The following PLEKHG4B variants were observed in gnomAD, a reference collection of about 807,000 sequenced individuals.
PLEKHG4B encodes pleckstrin homology and RhoGEF domain containing G4B.
PLEKHG4B carries 111 observed loss-of-function variants against 121.3 expected under a neutral mutation model. That is an observed-to-expected ratio of 0.92 (90% CI 0.78 to 1.07). PLEKHG4B has a LOEUF of 1.07. Among genes scored for constraint, PLEKHG4B ranks in the 50% least tolerant of loss-of-function variants. The pLI, the probability that PLEKHG4B is intolerant of heterozygous loss-of-function variation, is 0.00. For missense variants in PLEKHG4B, 1,831 were observed against 1,757.8 expected (o/e 1.04, Z -0.74); for synonymous variants, 738 against 725.0 (o/e 1.02, Z -0.29).
At chr5:151,437 C>T in intron 6 of PLEKHG4B, 76 bp from the exon 7 acceptor site, 1 of 973,822 alleles carries the variant, frequency 1.0e-6, no homozygotes, top group Non-Finnish European at 1.5e-6. Flanking sequence ...TAGTACCACT[C>T]AAAATTGGGC....
chr5:105,710 G>A (rs1041098328), intron 1 of PLEKHG4B, among the ~76,000 whole-genome samples: 4 of 152,244 alleles, frequency 2.6e-5, no homozygotes, highest in African/African-American at 9.6e-5. Flanking sequence ...GAACAAGAAT[G>A]CATTTTTCCC....
In PLEKHG4B at chr5:182,048, G is replaced by A. The variant is rs756428760; in HGVS notation, c.4609G>A (p.Ala1537Thr). 5.6e-6 allele frequency: 9 copies of A among 1,614,096 alleles called. No individual in the cohort carries two copies. The highest frequency in any genetic ancestry group is 1.6e-4 in the Middle Eastern group (1 of 6,062). The change falls in exon 20 of 20, where the codon GCC becomes ACC. Residue 1537 changes from alanine to threonine, a missense_variant. Transcript: ENST00000637938. Reference sequence around the variant, plus strand: ...CACAGCGGTGTCCTCCTCTGACCACGCCGCCCCCTTCAAGCGACCACACTC... The same window carrying A: ...CACAGCGGTGTCCTCCTCTGACCACACCGCCCCCTTCAAGCGACCACACTC... ...GSTAVSSSDH[A>T]APFKRPHSTI...
intron 7 of PLEKHG4B, among the ~76,000 whole-genome samples, chr5:154,416 C>T (rs1269815918): frequency 1.3e-5 from 2 of 152,148 alleles, no homozygotes; most frequent in African/African-American, 2.4e-5. Flanking sequence ...GCCCTGAGGA[C>T]GGAGCCACTG....
At chr5:92,709 C>G (rs185695001) in intron 1 of PLEKHG4B, among the ~76,000 whole-genome samples, 2 of 151,906 alleles carry the variant, frequency 1.3e-5, no homozygotes, top group Non-Finnish European at 2.9e-5. Context: ...GATTTGCCCT[C>G]TCGGTGCCTG....
chr5:162,123 C>A (rs1736030119), intron 12 of PLEKHG4B, among the ~76,000 whole-genome samples, 179 bp downstream of exon 12: 1 of 152,218 alleles, frequency 6.6e-6, no homozygotes, highest in Non-Finnish European at 1.5e-5. Context: ...TCTGAGCCGA[C>A]CTGTGAAGCA....
intron 1 of PLEKHG4B, among the ~76,000 whole-genome samples, chr5:94,421 C>A (rs1733568107): frequency 6.7e-6 from 1 of 148,964 alleles, no homozygotes; most frequent in Non-Finnish European, 1.5e-5. Context: ...ACCCGAGACC[C>A]CAACGTGCTT....
intron 13 of PLEKHG4B, among the ~76,000 whole-genome samples, chr5:164,202 T>C (rs1442347461): frequency 6.6e-6 from 1 of 152,278 alleles, no homozygotes; most frequent in Non-Finnish European, 1.5e-5. Flanking sequence ...ACAGGATTCA[T>C]GGAAGACAAT....
At chr5:98,856 T>C (rs1390272016) in intron 1 of PLEKHG4B, among the ~76,000 whole-genome samples, 18 of 138,684 alleles carry the variant, frequency 1.3e-4, no homozygotes, top group Admixed American at 4.3e-4. Flanking sequence ...TTTTTTTTTT[T>C]CAAAAAAAAT....
chr5:136,163 A>G (rs1274483657), intron 2 of PLEKHG4B, among the ~76,000 whole-genome samples: 1 of 152,186 alleles, frequency 6.6e-6, no homozygotes, highest in Admixed American at 6.5e-5. Context: ...CATTTACAAA[A>G]ACTCACTCAA....
chr5:133,359 G>C (rs759706460), intron 2 of PLEKHG4B, among the ~76,000 whole-genome samples: 14 of 151,984 alleles, frequency 9.2e-5, no homozygotes, highest in Non-Finnish European at 1.5e-4. Flanking sequence ...GACTTCCTCT[G>C]TACTGATTTG....
At chr5:102,566 C>T (rs1472822124) in intron 1 of PLEKHG4B, among the ~76,000 whole-genome samples, 4 of 152,190 alleles carry the variant, frequency 2.6e-5, no homozygotes, top group African/African-American at 7.2e-5. Context: ...CGTCTCTGCC[C>T]GTGCTTCCGC....
At chr5:114,011 C>T (rs1269980723) in intron 2 of PLEKHG4B, among the ~76,000 whole-genome samples, 1 of 152,200 alleles carries the variant, frequency 6.6e-6, no homozygotes, top group African/African-American at 2.4e-5. Flanking sequence ...ATACAAGTTA[C>T]GTTTACACTA....
At chr5:155,577 G>A (rs1317729562) in intron 9 of PLEKHG4B, 134 bp downstream of exon 9, 2 of 698,692 alleles carry the variant, frequency 2.9e-6, no homozygotes, top group Non-Finnish European at 5.0e-6. Context: ...TTTTTCATTT[G>A]TAGATCCCTC....
chr5:95,533 G>A (rs569829987), intron 1 of PLEKHG4B, among the ~76,000 whole-genome samples: 18 of 152,192 alleles, frequency 1.2e-4, no homozygotes, highest in Admixed American at 7.2e-4. Flanking sequence ...TTCATTCCCC[G>A]GCTTCTGTAG....
chr5:180,312 C>G (rs896703928), intron 18 of PLEKHG4B, among the ~76,000 whole-genome samples: 3 of 152,202 alleles, frequency 2.0e-5, no homozygotes, highest in Non-Finnish European at 2.9e-5. Flanking sequence ...TTGTCCCACT[C>G]CTGGCAAAGT....
chr5:142,947 C>A (rs141158944), intron 3 of PLEKHG4B, 100 bp from the exon 4 acceptor site: 1 of 1,126,970 alleles, frequency 8.9e-7, no homozygotes, highest in Non-Finnish European at 1.3e-6. Context: ...TACTTTCATG[C>A]GTGTTTTTGT....
intron 2 of PLEKHG4B, among the ~76,000 whole-genome samples, chr5:121,919 G>A (rs1219080175): frequency 6.6e-6 from 1 of 151,664 alleles, no homozygotes; most frequent in Non-Finnish European, 1.5e-5. Context: ...GGCTAAATAC[G>A]TGAGTAAATA....
chr5:165,870 C>T (rs1274133645), intron 13 of PLEKHG4B, among the ~76,000 whole-genome samples: 1 of 14,788 alleles, frequency 6.8e-5, no homozygotes, highest in Non-Finnish European at 1.8e-4. Context: ...TCTGACGGGG[C>T]GGAGCTCACA....
At position 181,501 on chromosome 5, in the gene PLEKHG4B, T is replaced by C. The variant is rs748015297; in HGVS notation, c.4403-13T>C. The C allele has an allele frequency of 6.2e-7, 1 of 1,611,276 alleles. No homozygotes were observed. The highest frequency in any genetic ancestry group is 1.1e-5 in the South Asian group (1 of 90,930). Reference sequence around the variant, plus strand: ...AGTTGCTTTGGAAACTGTCATACTTTCTTCTGTCTTAGAACTCAGAATCCA... The same window carrying C: ...AGTTGCTTTGGAAACTGTCATACTTCCTTCTGTCTTAGAACTCAGAATCCA... On this transcript the variant is annotated splice_polypyrimidine_tract_variant and intron_variant, in intron 18 of 19. Coordinates refer to ENST00000637938, the MANE Select transcript of PLEKHG4B (RefSeq NM_052909.5).
Sources: gnomAD v4.1 joint callset for allele counts (sites outside exome capture counted in the v4.1 genomes callset) on GRCh38, gnomAD v4.1.1 for gene constraint, MANE v1.5 for transcripts, NCBI Gene and HGNC (gene_info 2026-07-23, HGNC 2026-07-21) for gene names.